Variants in VKORC1L1 observed in about 807,000 individuals in gnomAD.
VKORC1L1 encodes vitamin K epoxide reductase complex subunit 1-like protein 1.
VKORC1L1 carries 2 observed loss-of-function variants against 18.9 expected under a neutral mutation model. That is an observed-to-expected ratio of 0.11 (90% CI 0.04 to 0.33). The LOEUF is 0.33. VKORC1L1 is among the 10% of genes least tolerant of loss of function. The pLI is 1.00. For synonymous variants in VKORC1L1, 96 were observed against 100.0 expected, an observed-to-expected ratio of 0.96 and a Z score of 0.24; for missense variants, 123 against 224.1, an observed-to-expected ratio of 0.55 and a Z score of 2.88.
intron 1 of VKORC1L1, among the ~76,000 whole-genome samples, chr7:65,897,939 G>A (rs1268546160): frequency 2.6e-5 from 4 of 152,006 alleles, no homozygotes; most frequent in Non-Finnish European, 4.4e-5. Context: ...ACACACTCTT[G>A]TATATGTGGG....
intron 1 of VKORC1L1, among the ~76,000 whole-genome samples, chr7:65,901,935 T>C (rs1789325096): frequency 6.6e-6 from 1 of 152,142 alleles, no homozygotes; most frequent in Admixed American, 6.6e-5. Context: ...CAAAAGGGCA[T>C]TGTAAAGAGG....
chr7:65,921,206 G>C lies in VKORC1L1; in HGVS notation c.195-27465G>C, dbSNP rs1789669891. 2.0e-5 allele frequency among the ~76,000 whole-genome samples: 3 copies of C among 152,076 alleles called. No individual in the cohort carries two copies. In the South Asian group the frequency reaches 6.3e-4, roughly 32 times the overall value. ...GTGTTGATAGTAGTATTTTTAGTAG[G>C]CATTTTATAGACCTTTTATATGTTC... On this transcript the variant is annotated intron_variant, in intron 1 of 2. Transcript: ENST00000360768.
intron 1 of VKORC1L1, among the ~76,000 whole-genome samples, chr7:65,885,875 G>A (rs1397853274): frequency 6.2e-4 from 95 of 152,160 alleles, no homozygotes; most frequent in Non-Finnish European, 7.2e-4. Context: ...GTGAATTCTA[G>A]AATAATTTTG....
intron 1 of VKORC1L1, among the ~76,000 whole-genome samples, chr7:65,898,380 G>A (rs1166643449): frequency 9.9e-5 from 15 of 151,978 alleles, no homozygotes; most frequent in Admixed American, 2.0e-4. Flanking sequence ...CACTACGCCC[G>A]GCCAGGTAGC....
chr7:65,882,968 G>A (rs547132731), intron 1 of VKORC1L1, among the ~76,000 whole-genome samples: 7 of 152,104 alleles, frequency 4.6e-5, no homozygotes, highest in African/African-American at 1.7e-4. Context: ...ATTATCATTG[G>A]CAAAACATGC....
intron 1 of VKORC1L1, among the ~76,000 whole-genome samples, chr7:65,941,042 T>C (rs1408078026): frequency 6.6e-6 from 1 of 152,182 alleles, no homozygotes; most frequent in Non-Finnish European, 1.5e-5. Context: ...GGATAGTTAG[T>C]GCTTTTAGAG....
chr7:65,878,260 A>G (rs1788864032), intron 1 of VKORC1L1, among the ~76,000 whole-genome samples: 1 of 151,932 alleles, frequency 6.6e-6, no homozygotes, highest in Admixed American at 6.6e-5. Flanking sequence ...AGCCTGGCCA[A>G]TATGGTGAAA....
intron 1 of VKORC1L1, among the ~76,000 whole-genome samples, chr7:65,895,473 AAAAAAAAATATATATATATATAT>A (rs1448777469): frequency 0.017 from 849 of 48,740 alleles, 21 homozygotes; most frequent in East Asian, 0.079. Context: ...AAAAAAAAAA[AAAAAAAAATATATATATATATAT>A]ATATATATAT....
chr7:65,923,406 G>GAA (rs35172049), intron 1 of VKORC1L1, among the ~76,000 whole-genome samples: 1 of 140,904 alleles, frequency 7.1e-6, no homozygotes, highest in African/African-American at 2.6e-5. Context: ...GTCTCAAAAA[G>GAA]AAAAAAAAAA....
intron 1 of VKORC1L1, among the ~76,000 whole-genome samples, chr7:65,891,447 A>C (rs1354261354): frequency 1.5e-4 from 23 of 151,978 alleles, no homozygotes; most frequent in Non-Finnish European, 8.8e-5. Context: ...CCAGCCTTTT[A>C]TATGTTTTTC....
intron 1 of VKORC1L1, among the ~76,000 whole-genome samples, chr7:65,942,047 G>A (rs1342755634): frequency 6.6e-6 from 1 of 152,094 alleles, no homozygotes; most frequent in African/African-American, 2.4e-5. Flanking sequence ...TGTACTTTAT[G>A]ATGTATAATG....
chr7:65,950,703 G>T lies in VKORC1L1; in HGVS notation c.304+1923G>T, dbSNP rs189762461. 1.9e-3 allele frequency among the ~76,000 whole-genome samples: 285 copies of T among 152,226 alleles called. 3 individuals are homozygous for T. The highest frequency in any genetic ancestry group is 6.7e-3 in the African/African-American group (278 of 41,536). On this transcript the variant is annotated intron_variant, in intron 2 of 2. Coordinates refer to ENST00000360768, the MANE Select transcript of VKORC1L1 (RefSeq NM_173517.6). ...AGAAAATACTATGAAATACTATGTA[G>T]CCATTAAAGGAAAAAGGAGATCTAT...
chr7:65,910,052 G>A lies in VKORC1L1; in HGVS notation c.194+36487G>A, dbSNP rs868649459. 1.6e-4 allele frequency among the ~76,000 whole-genome samples: 24 copies of A among 152,084 alleles called. 1 individual carries two copies. Among genetic ancestry groups the A allele is most frequent in the African/African-American group, 4.8e-4 (20 of 41,512 alleles). ...TTTTAATCTTACCTGTTGTTAAAAA[G>A]CCTGTTGCTTTCCTTCCTCGTAAGG... On this transcript the variant is annotated intron_variant, in intron 1 of 2. Transcript: ENST00000360768.
chr7:65,871,962 A>AT (rs1202908873), upstream of VKORC1L1, among the ~76,000 whole-genome samples: 1 of 152,240 alleles, frequency 6.6e-6, no homozygotes, highest in Non-Finnish European at 1.5e-5. Context: ...ATTGCTTATT[A>AT]TTCAAAATCA....
Position 65,954,715 on chromosome 7 carries a change from A to G in VKORC1L1, c.*415A>G, listed in dbSNP as rs1271715968. Reference sequence around the variant, plus strand: ...AATAGATACTGTATTAAATATTGCCATGTTTACAATATGTAATATGTTTTT... The same window carrying G: ...AATAGATACTGTATTAAATATTGCCGTGTTTACAATATGTAATATGTTTTT... On this transcript the variant is annotated 3_prime_UTR_variant, in exon 3 of 3. Transcript: ENST00000360768. 1 of 193,514 alleles carries G rather than the reference A, an allele frequency of 5.2e-6. No individual in the cohort carries two copies. The highest frequency in any genetic ancestry group is 2.3e-5 in the African/African-American group (1 of 42,788). 12.0% of individuals were successfully genotyped at this position (193,514 alleles called of 1,614,324 possible).
chr7:65,874,772 C>T (rs1788798344), intron 1 of VKORC1L1, among the ~76,000 whole-genome samples: 1 of 151,858 alleles, frequency 6.6e-6, no homozygotes, highest in African/African-American at 2.4e-5. Context: ...CACCATTGCA[C>T]CCCAGCCTGG....
intron 1 of VKORC1L1, among the ~76,000 whole-genome samples, chr7:65,915,599 T>C (rs1362559026): frequency 2.0e-5 from 3 of 151,072 alleles, no homozygotes; most frequent in Non-Finnish European, 4.4e-5. Flanking sequence ...TCTCCCTTCG[T>C]CTCTCCATCC....
Position 65,954,301 on chromosome 7 carries a change from C to G in VKORC1L1, c.*1C>G. The G allele has an allele frequency of 1.2e-6, 2 of 1,614,038 alleles. No homozygotes were observed. The highest frequency in any genetic ancestry group is 1.1e-5 in the South Asian group (1 of 91,082). On this transcript the variant is annotated 3_prime_UTR_variant, in exon 3 of 3. Coordinates refer to ENST00000360768, the MANE Select transcript of VKORC1L1 (RefSeq NM_173517.6). ...GCAGCTGCAACCCAAGCAGGACTGA[C>G]GCCCGACAGACTCCACCCTAACAGT...
chr7:65,927,296 G>GA lies in VKORC1L1; in HGVS notation c.195-21364dup, dbSNP rs5884578. Among the ~76,000 whole-genome samples the GA allele has an allele frequency of 1.7e-3, 257 of 147,092 alleles. 1 individual carries two copies. Among genetic ancestry groups the GA allele is most frequent in the African/African-American group, 5.9e-3 (238 of 40,278 alleles). On this transcript the variant is annotated intron_variant, in intron 1 of 2. Coordinates refer to ENST00000360768, the MANE Select transcript of VKORC1L1 (RefSeq NM_173517.6). ...GAGTGAGATGGTGTCTCAAAAAAAGGAAAAAAAAAAATCATAATGGGTACA... is the reference window on the plus strand; with the variant it reads ...GAGTGAGATGGTGTCTCAAAAAAAGGAAAAAAAAAAAATCATAATGGGTACA...
Sources: gnomAD v4.1 joint callset for allele counts (sites outside exome capture counted in the v4.1 genomes callset) on GRCh38, gnomAD v4.1.1 for gene constraint, MANE v1.5 for transcripts, NCBI Gene and HGNC (gene_info 2026-07-23, HGNC 2026-07-21) for gene names.